SLC4A4: variants seen among roughly 807,000 people sequenced by gnomAD.
The protein encoded by SLC4A4 is solute carrier family 4 member 4, also known as electrogenic sodium bicarbonate cotransporter 1.
In SLC4A4, 27 loss-of-function variants were observed where a neutral mutation model predicts 111.5. That is an observed-to-expected ratio of 0.24 (90% confidence interval 0.18 to 0.33). The LOEUF (loss-of-function observed/expected upper bound fraction) is 0.33. Among genes scored for constraint, SLC4A4 ranks in the 10% least tolerant of loss-of-function variants. SLC4A4 has a pLI of 1.00. For synonymous variants in SLC4A4, 443 were observed against 463.4 expected (o/e 0.96, Z 0.57); for missense variants, 909 against 1,315.5 (o/e 0.69, Z 4.78).
At chr4:71,459,293 G>A (rs775141850) in intron 12 of SLC4A4, among the ~76,000 whole-genome samples, 7 of 151,840 alleles carry the variant, frequency 4.6e-5, no homozygotes, top group Non-Finnish European at 2.9e-5. Flanking sequence ...CAACTGTTTT[G>A]AGAATAAGAT....
chr4:71,427,355 A>G lies in SLC4A4; in HGVS notation c.808-13261A>G, dbSNP rs148045497. On this transcript the variant is annotated intron_variant, in intron 7 of 25. Transcript: ENST00000264485. ...ACAAGTTTTGATATGTCATGTGTTC[A>G]TATTATGAGTAATATTGACTTTAAC... 1.1e-3 allele frequency among the ~76,000 whole-genome samples: 161 copies of G among 152,208 alleles called. 1 individual carries two copies. Among genetic ancestry groups the G allele is most frequent in the Non-Finnish European group, 1.5e-3 (103 of 67,978 alleles).
intron 10 of SLC4A4, among the ~76,000 whole-genome samples, chr4:71,450,878 A>C (rs1349103005): frequency 6.6e-6 from 1 of 152,234 alleles, no homozygotes; most frequent in African/African-American, 2.4e-5. Context: ...GTCCTTGTAG[A>C]TGTACATGGT....
chr4:71,568,245 G>A lies in SLC4A4; in HGVS notation c.*494G>A, dbSNP rs1037859263. The stretch of plus-strand genomic sequence containing the variant: ...AACACCTTTTATGAAAATGTTGAAG[G>A]AACTTAAAACTTTAGCTTTGGAGCT... On this transcript the variant is annotated 3_prime_UTR_variant, in exon 26 of 26. Transcript: ENST00000264485. 5 of 192,710 alleles carry A rather than the reference G, an allele frequency of 2.6e-5. No individual in the cohort carries two copies. The highest frequency in any genetic ancestry group is 4.2e-5 in the Non-Finnish European group (4 of 95,062). 11.9% of individuals were successfully genotyped at this position (192,710 alleles called of 1,614,324 possible). A position where few individuals can be genotyped will look rare whatever the true frequency, so the allele number is the denominator to read the frequency against.
At chr4:71,098,719 C>A (rs549720585) in intron 2 of SLC4A4, among the ~76,000 whole-genome samples, 1 of 152,136 alleles carries the variant, frequency 6.6e-6, no homozygotes, top group African/African-American at 2.4e-5. Flanking sequence ...TCAAGAGGCC[C>A]ATTCCACATG....
chr4:71,320,008 T>A (rs1726993464), intron 3 of SLC4A4, among the ~76,000 whole-genome samples: 1 of 151,898 alleles, frequency 6.6e-6, no homozygotes, highest in African/African-American at 2.4e-5. Context: ...GTGACGAAGA[T>A]CCATTTTCTC....
chr4:71,216,380 C>A (rs1218390309), intron 1 of SLC4A4, among the ~76,000 whole-genome samples: 1 of 151,934 alleles, frequency 6.6e-6, no homozygotes, highest in East Asian at 1.9e-4. Context: ...AAGTTTTATT[C>A]TTGTCAAAAA....
intron 1 of SLC4A4, among the ~76,000 whole-genome samples, chr4:71,214,854 T>C (rs1718331380): frequency 6.6e-6 from 1 of 152,176 alleles, no homozygotes; most frequent in Non-Finnish European, 1.5e-5. Flanking sequence ...TGAAACTTAC[T>C]CCAACCCTGG....
At chr4:71,483,396 C>T (rs969314474) in intron 14 of SLC4A4, among the ~76,000 whole-genome samples, 1 of 151,822 alleles carries the variant, frequency 6.6e-6, no homozygotes, top group African/African-American at 2.4e-5. Context: ...CATCATTTAG[C>T]TCTCATTCAT....
chr4:71,118,715 T>A (rs764857838), intron 2 of SLC4A4, among the ~76,000 whole-genome samples: 4 of 152,230 alleles, frequency 2.6e-5, no homozygotes, highest in Non-Finnish European at 5.9e-5. Context: ...AGGATATTAT[T>A]TAATAAATTC....
intron 3 of SLC4A4, among the ~76,000 whole-genome samples, chr4:71,331,831 C>T (rs768357546): frequency 2.0e-4 from 31 of 151,694 alleles, no homozygotes; most frequent in Non-Finnish European, 2.6e-4. Context: ...GCTAGGAGAC[C>T]GTTTATTATG....
At chr4:71,344,133 AG>A (rs1407450814) in intron 4 of SLC4A4, among the ~76,000 whole-genome samples, 1 of 152,042 alleles carries the variant, frequency 6.6e-6, no homozygotes, top group Non-Finnish European at 1.5e-5. Context: ...AAGCTCTGTG[AG>A]GGCAGAAATT....
At chr4:71,197,642 G>GT (rs1410504879) in intron 1 of SLC4A4, among the ~76,000 whole-genome samples, 1 of 152,050 alleles carries the variant, frequency 6.6e-6, no homozygotes, top group Non-Finnish European at 1.5e-5. Flanking sequence ...TACCTAATGG[G>GT]TGCAGCACAC....
At chr4:71,118,034 G>A (rs1432959334) in intron 2 of SLC4A4, among the ~76,000 whole-genome samples, 5 of 151,816 alleles carry the variant, frequency 3.3e-5, no homozygotes, top group African/African-American at 9.7e-5. Context: ...GCGCCACCAC[G>A]CCTGGCTAAT....
chr4:71,527,006 T>C (rs1733479771), intron 16 of SLC4A4, among the ~76,000 whole-genome samples: 1 of 152,118 alleles, frequency 6.6e-6, no homozygotes, highest in Non-Finnish European at 1.5e-5. Context: ...CAGGCTAATC[T>C]TCCTAAACTA....
intron 6 of SLC4A4, among the ~76,000 whole-genome samples, chr4:71,373,114 G>C (rs1191488037): frequency 3.3e-5 from 5 of 152,008 alleles, no homozygotes; most frequent in Non-Finnish European, 7.4e-5. Context: ...TTAGGAAAAT[G>C]GTGAACCCAG....
At chr4:71,139,179 TTGTGTGTG>T (rs57359640) in intron 2 of SLC4A4, among the ~76,000 whole-genome samples, 2,065 of 143,928 alleles carry the variant, frequency 0.014, 39 homozygotes, top group African/African-American at 0.036. Flanking sequence ...TCCCTTTTCT[TTGTGTGTG>T]TGTGTGTGTG....
In SLC4A4 at chr4:71,174,399, C is replaced by A. The variant is rs541471000; in HGVS notation, c.-1-62177C>A. ...CAAGTAGCTGGTATTAACAGGTGTG[C>A]ACCACTACGCCCAGCTAATTGTATT... On this transcript the variant is annotated intron_variant, in intron 2 of 26. Transcript: ENST00000649996. 2.0e-5 allele frequency among the ~76,000 whole-genome samples: 3 copies of A among 151,976 alleles called. No individual in the cohort carries two copies. The South Asian group carries it at 6.2e-4, about 32-fold the overall frequency.
chr4:71,235,629 G>T (rs1719747950), intron 1 of SLC4A4, among the ~76,000 whole-genome samples: 1 of 152,196 alleles, frequency 6.6e-6, no homozygotes, highest in Non-Finnish European at 1.5e-5. Flanking sequence ...GCAATGAAAA[G>T]GAGCTGCAGA....
chr4:71,258,440 G>T (rs1721614882), intron 3 of SLC4A4, among the ~76,000 whole-genome samples: 1 of 152,058 alleles, frequency 6.6e-6, no homozygotes, highest in Admixed American at 6.6e-5. Flanking sequence ...TGTGATTTTT[G>T]AGAGCTTACA....
Sources: gnomAD v4.1 joint callset for allele counts (sites outside exome capture counted in the v4.1 genomes callset) on GRCh38, gnomAD v4.1.1 for gene constraint, MANE v1.5 for transcripts, NCBI Gene and HGNC (gene_info 2026-07-23, HGNC 2026-07-21) for gene names.